Variants in LEMD1 observed in about 807,000 individuals in gnomAD.
The protein encoded by LEMD1 is LEM domain-containing protein 1.
A neutral mutation model predicts 17.4 loss-of-function variants in LEMD1; 18 were observed. The ratio of observed to expected loss-of-function variants is 1.04; its 90% CI spans 0.72 to 1.54. The LOEUF (loss-of-function observed/expected upper bound fraction) is 1.54, where lower values mean the gene tolerates loss of function less well. LEMD1 is among the 40% of genes most tolerant of loss of function. The probability of loss-of-function intolerance (pLI) is 0.00; values close to 1 mark genes in which losing one functional copy is unlikely to be tolerated. For synonymous variants in LEMD1, 88 were observed against 77.8 expected, an observed-to-expected ratio of 1.13 and a Z score of -0.69; for missense variants, 195 against 210.4, an observed-to-expected ratio of 0.93 and a Z score of 0.45.
chr1:205,426,620 G>A (rs913332792), upstream of LEMD1, among the ~76,000 whole-genome samples: 1 of 152,152 alleles, frequency 6.6e-6, no homozygotes, highest in Non-Finnish European at 1.5e-5. Flanking sequence ...ACAAGGCTTG[G>A]GGGTAGAAGT....
intron 1 of LEMD1, among the ~76,000 whole-genome samples, chr1:205,434,012 A>C (rs1157512130): frequency 6.6e-6 from 1 of 152,182 alleles, no homozygotes; most frequent in Non-Finnish European, 1.5e-5. Context: ...TGACATAATA[A>C]TTCTTTTTCA....
At chr1:205,405,348 C>T (rs1665041434) in intron 4 of LEMD1, among the ~76,000 whole-genome samples, 1 of 150,042 alleles carries the variant, frequency 6.7e-6, no homozygotes, top group African/African-American at 2.5e-5. Flanking sequence ...ACCAATCAGA[C>T]ACAGATTTGG....
intron 1 of LEMD1, among the ~76,000 whole-genome samples, chr1:205,444,050 T>C (rs916883389): frequency 6.6e-6 from 1 of 152,110 alleles, no homozygotes; most frequent in Admixed American, 6.5e-5. Flanking sequence ...GCTGCGTCTA[T>C]TTGAGGGGGA....
chr1:205,407,540 G>A (rs1259907241), intron 4 of LEMD1, among the ~76,000 whole-genome samples: 4 of 152,054 alleles, frequency 2.6e-5, no homozygotes, highest in East Asian at 3.9e-4. Flanking sequence ...AGGGCAGCGC[G>A]CCCAGAGAAA....
chr1:205,381,686 G>A lies in LEMD1; in HGVS notation c.518C>T (p.Thr173Ile), dbSNP rs757599691. Residue 173 changes from threonine to isoleucine, a missense_variant, in exon 6 of 6, where the codon ACT (threonine) becomes ATT (isoleucine). Coordinates refer to ENST00000367153, the MANE Select transcript of LEMD1 (RefSeq NM_001199050.2). ...IFIIVVFVYLTVENKSLFG is the reference protein window; with the variant it reads ...IFIIVVFVYLIVENKSLFG ...ACCAAACAGCGACTTATTTTCCACA[G>A]TCAGGTAGACAAACACCACAATGAT... The A allele has an allele frequency of 1.9e-5, 30 of 1,614,212 alleles. No homozygotes were observed. Among genetic ancestry groups the A allele is most frequent in the Non-Finnish European group, 2.5e-5 (30 of 1,180,036 alleles).
At chr1:205,444,864 C>A (rs978194233) in intron 1 of LEMD1, among the ~76,000 whole-genome samples, 1 of 152,030 alleles carries the variant, frequency 6.6e-6, no homozygotes, top group African/African-American at 2.4e-5. Context: ...GCACTCTCAG[C>A]AAGGCAACCC....
rs1313192115 is a variant in LEMD1, at chr1:205,448,888, T to G, written c.-39+980A>C. ...GGGTCTGGGTAAAGGAGGGCAGCGATGAGGACCTACCCTTTGTTTAGAGGG... is the reference window on the plus strand; with the variant it reads ...GGGTCTGGGTAAAGGAGGGCAGCGAGGAGGACCTACCCTTTGTTTAGAGGG... On this transcript the variant is annotated intron_variant, in intron 1 of 3. Transcript: ENST00000367154. This position sits in a 1 kb window ranked among gnomAD's most constrained non-coding sequence, Gnocchi z 4.7. Among the ~76,000 whole-genome samples the G allele has an allele frequency of 1.3e-5, 2 of 152,124 alleles. No homozygotes were observed. Among genetic ancestry groups the G allele is most frequent in the Non-Finnish European group, 1.5e-5 (1 of 68,008 alleles).
rs373343652 is a variant in LEMD1 at position 205,443,496 on chromosome 1, A to G, written c.-39+6372T>C. Among the ~76,000 whole-genome samples the G allele has an allele frequency of 2.0e-5, 3 of 152,232 alleles. No individual in the cohort carries two copies. In the East Asian group the frequency reaches 5.8e-4, roughly 29 times the overall value. Reference sequence around the variant, plus strand: ...GGAACCAGAACCTACACATCAGAGGAAAGGAGAGCTAATGAAGCTGGCCAG... The same window carrying G: ...GGAACCAGAACCTACACATCAGAGGGAAGGAGAGCTAATGAAGCTGGCCAG... On this transcript the variant is annotated intron_variant, in intron 1 of 3. Transcript: ENST00000367154.
chr1:205,449,669 A>G (rs1251267114), intron 1 of LEMD1, among the ~76,000 whole-genome samples: 1 of 152,044 alleles, frequency 6.6e-6, no homozygotes, highest in Non-Finnish European at 1.5e-5. Context: ...ACAACCAGGC[A>G]TCCTGCGGCC....
At chr1:205,444,773 C>T (rs186208601) in intron 1 of LEMD1, among the ~76,000 whole-genome samples, 2 of 152,138 alleles carry the variant, frequency 1.3e-5, no homozygotes, top group Admixed American at 1.3e-4. Context: ...TGGGGCATGC[C>T]AGCAATTCTC....
At chr1:205,433,134 G>C (rs1250215683) in intron 1 of LEMD1, among the ~76,000 whole-genome samples, 2 of 152,180 alleles carry the variant, frequency 1.3e-5, no homozygotes, top group African/African-American at 4.8e-5. Context: ...CTTTAGCTGA[G>C]GCATTTTTGA....
chr1:205,419,417 AAGG>A, intron 2 of LEMD1, 65 bp from the exon 3 acceptor site: 2 of 1,562,752 alleles, frequency 1.3e-6, no homozygotes, highest in Non-Finnish European at 1.8e-6. Context: ...TACTAGGTTC[AAGG>A]TATTTCATAA....
chr1:205,418,807 A>G (rs1665819279), intron 3 of LEMD1, among the ~76,000 whole-genome samples: 1 of 152,192 alleles, frequency 6.6e-6, no homozygotes, highest in African/African-American at 2.4e-5. Context: ...GGTGGGAGCC[A>G]TCAGTGTGGC....
chr1:205,411,552 T>A (rs1439231014), intron 4 of LEMD1, among the ~76,000 whole-genome samples: 1 of 113,060 alleles, frequency 8.8e-6, no homozygotes. Context: ...TGAGACTCCG[T>A]CTCAAAAAAA....
At chr1:205,386,787 G>A (rs1252982920) in intron 4 of LEMD1, 1 of 152,180 alleles carries the variant, frequency 6.6e-6, no homozygotes, top group African/African-American at 2.4e-5. Context: ...GGGAAGCAAA[G>A]GCTCTTGAGG....
chr1:205,441,355 C>T lies in LEMD1; in HGVS notation c.-39+8513G>A, dbSNP rs2102465323. 6.6e-6 allele frequency among the ~76,000 whole-genome samples: 1 copy of T among 152,234 alleles called. No individual in the cohort carries two copies. Among genetic ancestry groups the T allele is most frequent in the South Asian group, 2.1e-4 (1 of 4,826 alleles). On this transcript the variant is annotated intron_variant, in intron 1 of 3. Coordinates refer to the LEMD1 transcript ENST00000367154. The surrounding 1 kb of genome is among the most constrained non-coding windows in gnomAD (Gnocchi z 4.3). ...CCCAGCTGCTGCCTCCTTTTTTCCC[C>T]TCCCACCCGCTCTGCCCCACCTCAT...
intron 1 of LEMD1, among the ~76,000 whole-genome samples, chr1:205,421,631 C>G (rs2102444983): frequency 6.6e-6 from 1 of 152,322 alleles, no homozygotes; most frequent in South Asian, 2.1e-4. Flanking sequence ...AAGAGAGTTA[C>G]ATTCTAGTAC....
At chr1:205,449,617 G>GCACGC (rs1666460484) in intron 1 of LEMD1, among the ~76,000 whole-genome samples, 1 of 151,998 alleles carries the variant, frequency 6.6e-6, no homozygotes, top group Admixed American at 6.6e-5. Flanking sequence ...AGCACAGCAC[G>GCACGC]CCCCTCCACA....
intron 4 of LEMD1, among the ~76,000 whole-genome samples, chr1:205,401,459 AT>A (rs1381758846): frequency 6.8e-5 from 7 of 103,182 alleles, no homozygotes; most frequent in Non-Finnish European, 1.3e-4. Flanking sequence ...GATGATGAGC[AT>A]TTTTTCATGT....
Sources: gnomAD v4.1 joint callset for allele counts (sites outside exome capture counted in the v4.1 genomes callset) on GRCh38, gnomAD v4.1.1 for gene constraint, Gnocchi (gnomAD v3.1) non-coding constraint, MANE v1.5 for transcripts, NCBI Gene and HGNC (gene_info 2026-07-23, HGNC 2026-07-21) for gene names.